Variants in DIS3L observed in about 807,000 individuals in gnomAD.
DIS3L encodes the protein DIS3-like exonuclease 1.
A neutral mutation model predicts 120.3 loss-of-function variants in DIS3L; 100 were observed. The observed-to-expected ratio is 0.83, with a 90% CI of 0.71 to 0.98. The LOEUF is 0.98. DIS3L is among the 50% of genes least tolerant of loss of function. DIS3L has a pLI of 0.00. For missense variants in DIS3L, 1,196 were observed against 1,314.2 expected, an observed-to-expected ratio of 0.91 and a Z score of 1.39; for synonymous variants, 426 against 470.6, an observed-to-expected ratio of 0.91 and a Z score of 1.23.
chr15:66,326,290 C>T lies in DIS3L; in HGVS notation c.2127C>T (p.His709=), dbSNP rs1265902938. ...SFPHQALLRQ[H]PPPHQEFFSE... ...CTCATCAGGCCTTGCTGCGCCAGCA[C>T]CCTCCTCCACACCAGGAGTTCTTTT... The change falls in exon 12 of 17, where the codon CAC becomes CAT. Residue 709 remains histidine, a synonymous_variant. Transcript: ENST00000319212. 6 of 1,614,086 alleles carry T rather than the reference C, an allele frequency of 3.7e-6. No homozygotes were observed. Among genetic ancestry groups the T allele is most frequent in the Non-Finnish European group, 5.1e-6 (6 of 1,180,054 alleles).
chr15:66,333,310 TGA>T lies in DIS3L; in HGVS notation c.*2_*3del, dbSNP rs915418992. 1 of 1,591,360 alleles carries T rather than the reference TGA, an allele frequency of 6.3e-7. No individual in the cohort carries two copies. Among genetic ancestry groups the T allele is most frequent in the Non-Finnish European group, 8.5e-7 (1 of 1,172,068 alleles). ...GGATGTTTCAAACAATTATGGAATATGAGAGGCTCTTACTTCACTAAGAGCTG... is the reference window on the plus strand; with the variant it reads ...GGATGTTTCAAACAATTATGGAATATGAGGCTCTTACTTCACTAAGAGCTG... ...LLDVSNNYGI* is the reference protein window; with the variant it reads ...LLDVSNNYGIX On this transcript the variant is annotated frameshift_variant and stop_lost, in exon 17 of 17. Coordinates refer to ENST00000319212, the MANE Select transcript of DIS3L (RefSeq NM_001143688.3). LOFTEE classifies it high-confidence loss of function.
rs924587182 is a variant in DIS3L at position 66,313,993 on chromosome 15, C to T, written c.736-46C>T. The T allele has an allele frequency of 3.0e-5, 44 of 1,490,574 alleles. 1 individual carries two copies. Among genetic ancestry groups the T allele is most frequent in the Middle Eastern group, 2.3e-4 (1 of 4,270 alleles). The allele number at this position is 1,490,574 out of a possible 1,614,324, so 92.3% of individuals were successfully genotyped here. On this transcript the variant is annotated intron_variant, in intron 5 of 16. Coordinates refer to ENST00000319212, the MANE Select transcript of DIS3L (RefSeq NM_001143688.3). ...CTGGACCTTTTGGAGATAAACCAGG[C>T]GGAAAAGAACATTTTTCATATTGAT...
chr15:66,328,533 A>T (rs1204155729), intron 12 of DIS3L, among the ~76,000 whole-genome samples: 1 of 152,176 alleles, frequency 6.6e-6, no homozygotes, highest in Non-Finnish European at 1.5e-5. Flanking sequence ...CTACAAAAAA[A>T]TTATTTTGAG....
At chr15:66,297,826 C>G (rs2092604498) in intron 2 of DIS3L, among the ~76,000 whole-genome samples, 1 of 152,122 alleles carries the variant, frequency 6.6e-6, no homozygotes, top group Non-Finnish European at 1.5e-5. Flanking sequence ...CTCCTGAATT[C>G]CTTCTGTATA....
intron 2 of DIS3L, among the ~76,000 whole-genome samples, chr15:66,301,178 C>T (rs928645868): frequency 6.6e-6 from 1 of 152,128 alleles, no homozygotes. Context: ...AACTGCCCCT[C>T]TGAGAAATTG....
At chr15:66,309,094 A>AATATATATATATATATATAT (rs1555401906) in intron 4 of DIS3L, among the ~76,000 whole-genome samples, 1 of 15,318 alleles carries the variant, frequency 6.5e-5, no homozygotes, top group African/African-American at 2.0e-4. Flanking sequence ...AAAAAAAAAA[A>AATATATATATATATATATAT]ATATATATAT....
At chr15:66,311,960 C>G (rs2092767020) in intron 5 of DIS3L, 60 bp downstream of exon 5, 2 of 1,586,116 alleles carry the variant, frequency 1.3e-6, no homozygotes, top group African/African-American at 2.7e-5. Context: ...CCTGTAATCC[C>G]AGCACTTTGG....
chr15:66,324,788 C>T (rs2092919390), intron 11 of DIS3L, among the ~76,000 whole-genome samples: 1 of 152,126 alleles, frequency 6.6e-6, no homozygotes, highest in East Asian at 1.9e-4. Flanking sequence ...TTATGTATCC[C>T]TTTCTGTTAA....
chr15:66,308,943 T>C (rs370218071), intron 4 of DIS3L, 99 bp downstream of exon 4: 21 of 1,407,618 alleles, frequency 1.5e-5, no homozygotes, highest in Admixed American at 6.4e-5. Flanking sequence ...AAAAGAGGAA[T>C]AGACATTAAG....
At position 66,293,717 on chromosome 15, in the gene DIS3L, CCCGCCG is replaced by C. The variant is rs2092548676; in HGVS notation, c.124_129del (p.Ala42_Ala43del). The stretch of plus-strand genomic sequence containing the variant: ...CTGCCACAGCCCGCTCTGCCCGCAG[CCCGCCG>C]CCTGCAGCCACGGTCAGGGCCGGGG... On this transcript the variant is annotated inframe_deletion, in exon 1 of 17. Transcript: ENST00000319212. 7.6e-7 allele frequency: 1 copy of C among 1,318,096 alleles called. No individual in the cohort carries two copies. The highest frequency in any genetic ancestry group is 9.7e-7 in the Non-Finnish European group (1 of 1,028,524). 81.7% of individuals were successfully genotyped at this position (1,318,096 alleles called of 1,614,324 possible).
At chr15:66,320,871 C>T in intron 9 of DIS3L, 139 bp downstream of exon 9, 1 of 1,099,838 alleles carries the variant, frequency 9.1e-7, no homozygotes, top group Non-Finnish European at 1.3e-6. Flanking sequence ...AATCTCAATC[C>T]TCTTTATTCT....
intron 5 of DIS3L, among the ~76,000 whole-genome samples, 170 bp from the exon 6 acceptor site, chr15:66,313,869 A>G (rs1236342384): frequency 7.5e-6 from 1 of 133,642 alleles, no homozygotes; most frequent in African/African-American, 2.6e-5. Context: ...ATGTGTGTAT[A>G]TATATATATA....
intron 4 of DIS3L, among the ~76,000 whole-genome samples, chr15:66,311,277 T>C (rs986580297): frequency 4.0e-5 from 6 of 151,746 alleles, no homozygotes; most frequent in African/African-American, 1.5e-4. Flanking sequence ...GTGGGAGGAT[T>C]GCTTAAGGCA....
intron 2 of DIS3L, among the ~76,000 whole-genome samples, chr15:66,302,169 C>T (rs997966): frequency 0.27 from 40,774 of 151,866 alleles, 5,905 homozygotes; most frequent in South Asian, 0.33. Flanking sequence ...TTGAGATCAG[C>T]CTGGCTAACA....
At position 66,320,597 on chromosome 15, in the gene DIS3L, T is replaced by C; in HGVS notation, c.1191T>C (p.Asp397=). Reference sequence around the variant, plus strand: ...ACTTCAGGGTGGTCGTGCGCATCGATTCCTGGGAGTCAACATCTGTGTATC... The same window carrying C: ...ACTTCAGGGTGGTCGTGCGCATCGACTCCTGGGAGTCAACATCTGTGTATC... ...LQDFRVVVRI[D]SWESTSVYPN... is the part of the protein sequence containing the mutation. Residue 397 remains aspartate, a synonymous_variant, in exon 9 of 17, where the codon GAT becomes GAC. Coordinates refer to ENST00000319212, the MANE Select transcript of DIS3L (RefSeq NM_001143688.3). The C allele has an allele frequency of 6.2e-7, 1 of 1,613,880 alleles. No individual in the cohort carries two copies. Among genetic ancestry groups the C allele is most frequent in the Middle Eastern group, 1.7e-4 (1 of 6,060 alleles).
chr15:66,325,041 G>C (rs1329072522), intron 11 of DIS3L, among the ~76,000 whole-genome samples: 1 of 152,156 alleles, frequency 6.6e-6, no homozygotes, highest in Non-Finnish European at 1.5e-5. Context: ...GCAAGACTTT[G>C]CTCTAATTTA....
Position 66,311,798 on chromosome 15 carries a change from GGAGA to G in DIS3L, c.640_643del (p.Glu214MetfsTer20), listed in dbSNP as rs755941535. 3 of 1,614,014 alleles carry G rather than the reference GGAGA, an allele frequency of 1.9e-6. No individual in the cohort carries two copies. Among genetic ancestry groups the G allele is most frequent in the African/African-American group, 2.7e-5 (2 of 74,900 alleles). On this transcript the variant is annotated frameshift_variant, in exon 5 of 17. Coordinates refer to ENST00000319212, the MANE Select transcript of DIS3L (RefSeq NM_001143688.3). LOFTEE classifies it high-confidence loss of function. Reference sequence around the variant, plus strand: ...GTGATTCTATCCTTCAGTCTCGACGGGAGAGAGAGAATGAGAGTCAGGAGAGCCA... The same window carrying G: ...GTGATTCTATCCTTCAGTCTCGACGGGAGAGAATGAGAGTCAGGAGAGCCA...
At chr15:66,301,151 C>T (rs2092643478) in intron 2 of DIS3L, among the ~76,000 whole-genome samples, 1 of 152,020 alleles carries the variant, frequency 6.6e-6, no homozygotes, top group African/African-American at 2.4e-5. Flanking sequence ...AAAAATCAAC[C>T]TAAAGAAGGT....
rs2140391774 is a variant in DIS3L, at chr15:66,322,803, T to C, written c.1443T>C (p.Gly481=). The part of the protein sequence containing the change: ...SHLVFSIDPK[G]CEDVDDTLSV... ...TCGTATTCAGCATTGACCCCAAAGG[T>C]TGTGAAGATGTGGATGACACACTCT... Residue 481 remains glycine (G), a synonymous_variant, in exon 10 of 17, where the codon GGT becomes GGC. Coordinates refer to ENST00000319212, the MANE Select transcript of DIS3L (RefSeq NM_001143688.3). 2 of 1,614,070 alleles carry C rather than the reference T, an allele frequency of 1.2e-6. No individual in the cohort carries two copies. The highest frequency in any genetic ancestry group is 2.2e-5 in the East Asian group (1 of 44,878).
Sources: allele counts gnomAD v4.1 joint callset (sites outside exome capture counted in the v4.1 genomes callset), GRCh38; gene constraint gnomAD v4.1.1; transcripts MANE v1.5; gene names NCBI Gene and HGNC (gene_info 2026-07-23, HGNC 2026-07-21).